SMC2: variants seen among roughly 807,000 people sequenced by gnomAD.
The protein encoded by SMC2 is structural maintenance of chromosomes 2.
In SMC2, 41 loss-of-function variants were observed where a neutral mutation model predicts 142.6. The observed-to-expected ratio is 0.29, with a 90% CI of 0.22 to 0.37. SMC2 has a LOEUF of 0.37. SMC2 is among the 10% of genes least tolerant of loss of function. SMC2 has a pLI of 1.00. For missense variants in SMC2, 1,265 were observed against 1,373.7 expected, an observed-to-expected ratio of 0.92 and a Z score of 1.25; for synonymous variants, 463 against 457.5, an observed-to-expected ratio of 1.01 and a Z score of -0.15.
At chr9:104,097,115 C>T (rs959346416) in intron 3 of SMC2, among the ~76,000 whole-genome samples, 40 of 135,294 alleles carry the variant, frequency 3.0e-4, no homozygotes, top group African/African-American at 1.0e-3. Context: ...TTCAGCTTGT[C>T]AAGGTTTTTT....
intron 18 of SMC2, among the ~76,000 whole-genome samples, chr9:104,126,086 T>G (rs759237050): frequency 6.6e-6 from 1 of 152,158 alleles, no homozygotes; most frequent in Non-Finnish European, 1.5e-5. Context: ...GAACTGTGCA[T>G]GCAAGGGATC....
intron 20 of SMC2, among the ~76,000 whole-genome samples, chr9:104,127,760 C>T (rs2131511921): frequency 6.6e-6 from 1 of 152,164 alleles, no homozygotes. Flanking sequence ...TAACTTTTCA[C>T]CTCCAAATGT....
rs531909224 is a variant in SMC2 at position 104,119,854 on chromosome 9, T to C, written c.1997-173T>C. On this transcript the variant is annotated intron_variant, in intron 15 of 24. Transcript: ENST00000374793. ...CTACTACAACCTCTTGGATCTGTTATGAGTTCTCTGTGTTCTAAGGTTCAG... is the reference window on the plus strand; with the variant it reads ...CTACTACAACCTCTTGGATCTGTTACGAGTTCTCTGTGTTCTAAGGTTCAG... Among the ~76,000 whole-genome samples the C allele has an allele frequency of 4.6e-5, 7 of 152,358 alleles. No homozygotes were observed. In the East Asian group the frequency reaches 1.2e-3, roughly 25 times the overall value.
chr9:104,131,983 A>G, intron 21 of SMC2, 26 bp from the exon 22 acceptor site: 2 of 1,126,282 alleles, frequency 1.8e-6, no homozygotes, highest in Non-Finnish European at 2.6e-6. Flanking sequence ...ATATTTTCCC[A>G]GTTAACCATG....
intron 16 of SMC2, among the ~76,000 whole-genome samples, chr9:104,121,874 C>T (rs1227458558): frequency 6.6e-6 from 1 of 152,116 alleles, no homozygotes; most frequent in African/African-American, 2.4e-5. Flanking sequence ...TCTGCCTCAG[C>T]CTCCCAAGTA....
chr9:104,088,872 A>C, the SMC2 span, among the ~76,000 whole-genome samples: 4 of 152,134 alleles, frequency 2.6e-5, no homozygotes, highest in Non-Finnish European at 5.9e-5. Flanking sequence ...TCTTGGCACA[A>C]TGCAGGCATT....
chr9:104,126,727 T>C lies in SMC2; in HGVS notation c.2538T>C (p.Ala846=). ...AACAGCTTGAAGCTGTAAATGAAGC[T>C]ATCAAATCCTATGAAAGTCAGATTG... is the stretch of plus-strand genomic sequence containing the variant. ...YKQQLEAVNE[A]IKSYESQIEV... is the part of the protein sequence containing the mutation. The change falls in exon 19 of 25, where the codon GCT becomes GCC. Residue 846 remains alanine (A), a synonymous_variant. Transcript: ENST00000374793. The C allele has an allele frequency of 6.2e-7, 1 of 1,612,998 alleles. No homozygotes were observed. Among genetic ancestry groups the C allele is most frequent in the South Asian group, 1.1e-5 (1 of 91,052 alleles).
Position 104,120,042 on chromosome 9 carries a change from C to T in SMC2, c.2012C>T (p.Ala671Val). The T allele has an allele frequency of 6.2e-7, 1 of 1,613,750 alleles. No individual in the cohort carries two copies. Among genetic ancestry groups the T allele is most frequent in the East Asian group, 2.2e-5 (1 of 44,858 alleles). ...CCTCTATCAGGTGCTCGATCCCAGG[C>T]AGCTTCCATTTTAACCAAGTTTCAA... The part of the protein sequence containing the change: ...GTLSGGARSQ[A>V]ASILTKFQEL... The change falls in exon 16 of 25, where the codon GCA (alanine) becomes GTA (valine). Residue 671 changes from alanine (A) to valine (V), a missense_variant. This residue lies in a region of SMC2 where 898 missense variants were observed against 904.2 expected (regional missense o/e 0.99). Transcript: ENST00000374793.
upstream of SMC2, among the ~76,000 whole-genome samples, chr9:104,093,700 A>G (rs1830144360): frequency 6.6e-6 from 1 of 152,236 alleles, no homozygotes; most frequent in Admixed American, 6.5e-5. Context: ...CTCTCGGTAG[A>G]CTACGATCCC....
rs1289064828 is a variant in SMC2, at chr9:104,100,081, T to C, written c.481-12T>C. 7.2e-7 allele frequency: 1 copy of C among 1,395,056 alleles called. No individual in the cohort carries two copies. The highest frequency in any genetic ancestry group is 9.9e-7 in the Non-Finnish European group (1 of 1,006,640). 86.4% of individuals were successfully genotyped at this position (1,395,056 alleles called of 1,614,324 possible). A position where few individuals can be genotyped will look rare whatever the true frequency, so the allele number is the denominator to read the frequency against. On this transcript the variant is annotated splice_polypyrimidine_tract_variant and intron_variant, in intron 5 of 24. Coordinates refer to ENST00000374793, the MANE Select transcript of SMC2 (RefSeq NM_006444.3). ...TCTTGGATACTAAACATTAATAAAATTGTCATTCCAGATTTTATCCATGAT... is the reference window on the plus strand; with the variant it reads ...TCTTGGATACTAAACATTAATAAAACTGTCATTCCAGATTTTATCCATGAT...
chr9:104,140,521 T>TA lies in SMC2; in HGVS notation c.*1207dup, dbSNP rs1276022688. 3 of 152,580 alleles carry TA rather than the reference T, an allele frequency of 2.0e-5. No individual in the cohort carries two copies. The highest frequency in any genetic ancestry group is 7.2e-5 in the African/African-American group (3 of 41,444). 9.5% of individuals were successfully genotyped at this position (152,580 alleles called of 1,614,324 possible). ...AGTGTTATTATCATACTTCCCCTGATATATGGCCGTACTTCCTGGCCCTGG... is the reference window on the plus strand; with the variant it reads ...AGTGTTATTATCATACTTCCCCTGATAATATGGCCGTACTTCCTGGCCCTGG... On this transcript the variant is annotated 3_prime_UTR_variant, in exon 25 of 25. Transcript: ENST00000374793.
chr9:104,094,697 G>C (rs981562923), intron 1 of SMC2: 9 of 350,644 alleles, frequency 2.6e-5, no homozygotes, highest in Non-Finnish European at 4.1e-5. Context: ...AAAAGCCTGA[G>C]TAAAAGCAAG....
rs1176136072 is a variant in SMC2, at chr9:104,125,080, G to C, written c.2426G>C (p.Ser809Thr). The C allele has an allele frequency of 6.4e-7, 1 of 1,574,672 alleles. No homozygotes were observed. The highest frequency in any genetic ancestry group is 1.4e-5 in the African/African-American group (1 of 72,284). The change falls in exon 18 of 25, where the codon AGC becomes ACC. Residue 809 changes from serine (S) to threonine (T), a missense_variant. Physicochemically the swap from Ser to Thr is moderately conservative, Grantham distance 58. This residue lies in a region of SMC2 where 898 missense variants were observed against 904.2 expected (regional missense o/e 0.99). Transcript: ENST00000374793. ...DCAKTKADASSKKMKEKQQEV... is the reference protein window; with the variant it reads ...DCAKTKADASTKKMKEKQQEV... ...GCCAAAACAAAGGCAGATGCATCTA[G>C]CAAGAAGATGAAAGAAAAACAACAG...
Position 104,115,073 on chromosome 9 carries a change from A to G in SMC2, c.1671+244A>G, listed in dbSNP as rs75605860. Among the ~76,000 whole-genome samples the G allele has an allele frequency of 5.5e-3, 831 of 152,248 alleles. 2 individuals carry two copies. Among genetic ancestry groups the G allele is most frequent in the East Asian group, 0.015 (78 of 5,172 alleles). On this transcript the variant is annotated intron_variant, in intron 13 of 24. Transcript: ENST00000374793. Reference sequence around the variant, plus strand: ...GGGATCTCTTTGCTGTATAAGTTGAATTTAATTTGTAAAATAATCTGGGAA... The same window carrying G: ...GGGATCTCTTTGCTGTATAAGTTGAGTTTAATTTGTAAAATAATCTGGGAA...
At chr9:104,133,411 G>A (rs79232043) in intron 22 of SMC2, among the ~76,000 whole-genome samples, 8,622 of 152,098 alleles carry the variant, frequency 0.057, 652 homozygotes, top group African/African-American at 0.18. Flanking sequence ...TAAAATGTGT[G>A]TTACTTAGTA....
chr9:104,096,334 T>G (rs753054248), intron 3 of SMC2, 37 bp downstream of exon 3: 2 of 1,597,150 alleles, frequency 1.3e-6, no homozygotes, highest in South Asian at 1.1e-5. Context: ...TCTTAAGACC[T>G]TTTATGTCTG....
chr9:104,096,434 ATG>A, intron 3 of SMC2, 137 bp downstream of exon 3: 2 of 702,084 alleles, frequency 2.8e-6, no homozygotes, highest in Non-Finnish European at 4.9e-6. Flanking sequence ...AGATTCCTTA[ATG>A]TCTTCCTTAT....
At chr9:104,103,857 A>G (rs1422924582) in intron 9 of SMC2, among the ~76,000 whole-genome samples, 1 of 152,212 alleles carries the variant, frequency 6.6e-6, no homozygotes, top group Non-Finnish European at 1.5e-5. Context: ...TTGAAGCGAT[A>G]TGAACGTGTT....
At chr9:104,120,579 TG>T (rs1795203934) in intron 16 of SMC2, among the ~76,000 whole-genome samples, 1 of 152,206 alleles carries the variant, frequency 6.6e-6, no homozygotes, top group Non-Finnish European at 1.5e-5. Context: ...GCATTGTGGC[TG>T]TCCTACATAT....
Sources: gnomAD v4.1 joint callset for allele counts (sites outside exome capture counted in the v4.1 genomes callset) on GRCh38, gnomAD v4.1.1 for gene constraint, gnomAD v4.1.1 regional missense constraint, MANE v1.5 for transcripts, NCBI Gene and HGNC (gene_info 2026-07-23, HGNC 2026-07-21) for gene names.